RGS6: variants seen among roughly 807,000 people sequenced by gnomAD.
The protein encoded by RGS6 is regulator of G-protein signaling 6.
Under a neutral mutation model 78.5 loss-of-function variants are expected in RGS6, and 30 were observed. The ratio of observed to expected loss-of-function variants is 0.38; its 90% CI spans 0.29 to 0.52. The LOEUF is 0.52. RGS6 is among the 20% of genes least tolerant of loss of function. RGS6 has a pLI of 0.85. For missense variants in RGS6, 495 were observed against 609.7 expected (o/e 0.81, Z 1.98); for synonymous variants, 206 against 206.0 (o/e 1.00, Z 0.00).
chr14:72,003,619 C>T (rs12885938), intron 2 of RGS6, among the ~76,000 whole-genome samples: 95,081 of 151,932 alleles, frequency 0.63, 30,381 homozygotes, highest in South Asian at 0.7. Flanking sequence ...CAGTTCCATA[C>T]AGTAGGTGAC....
At chr14:72,224,145 A>G (rs944559248) in intron 2 of RGS6, among the ~76,000 whole-genome samples, 6 of 152,242 alleles carry the variant, frequency 3.9e-5, no homozygotes, top group Non-Finnish European at 7.3e-5. Flanking sequence ...GGGGCTTGGC[A>G]AAGTGTCTTA....
chr14:71,984,581 T>C (rs757919634), intron 2 of RGS6, among the ~76,000 whole-genome samples: 36 of 149,538 alleles, frequency 2.4e-4, no homozygotes, highest in East Asian at 5.8e-4. Context: ...AGGGTAGGAG[T>C]TGGCTGGTGG....
intron 2 of RGS6, among the ~76,000 whole-genome samples, chr14:72,040,297 T>C (rs1325550457): frequency 6.6e-6 from 1 of 152,166 alleles, no homozygotes; most frequent in Non-Finnish European, 1.5e-5. Context: ...CCATTAGCAT[T>C]TCCTGTAAGG....
the RGS6 span, among the ~76,000 whole-genome samples, chr14:72,620,170 C>T: frequency 6.6e-6 from 1 of 152,132 alleles, no homozygotes; most frequent in Non-Finnish European, 1.5e-5. Flanking sequence ...GAGTTTCCCC[C>T]TCTACCTCCC....
intron 17 of RGS6, among the ~76,000 whole-genome samples, chr14:72,543,728 G>T (rs190309924): frequency 3.9e-5 from 6 of 152,328 alleles, no homozygotes; most frequent in Admixed American, 3.9e-4. Flanking sequence ...GGTGGCCAGA[G>T]CTGAAATGCT....
the RGS6 span, among the ~76,000 whole-genome samples, chr14:71,906,931 A>C: frequency 1.3e-5 from 2 of 152,344 alleles, no homozygotes; most frequent in East Asian, 3.9e-4. Flanking sequence ...AAACAAGGAC[A>C]TTCACGGGGC....
At position 72,470,060 on chromosome 14, in the gene RGS6, T is replaced by C. The variant is rs146977767; in HGVS notation, c.513T>C (p.Phe171=). 47 of 1,613,390 alleles carry C rather than the reference T, an allele frequency of 2.9e-5. No homozygotes were observed. In the African/African-American group the frequency reaches 4.8e-4, roughly 16 times the overall value. Residue 171 remains phenylalanine, a synonymous_variant, in exon 8 of 18, where the codon TTT becomes TTC. Transcript: ENST00000553525. The part of the protein sequence containing the change: ...RAFARKWEFI[F]MQAEAQVKID... ...TTGCGAGGAAGTGGGAATTCATCTTTATGCAAGCAGAAGCACAAGTAAAGT... is the reference window on the plus strand; with the variant it reads ...TTGCGAGGAAGTGGGAATTCATCTTCATGCAAGCAGAAGCACAAGTAAAGT...
intron 2 of RGS6, among the ~76,000 whole-genome samples, chr14:72,242,330 C>T (rs1032692917): frequency 6.6e-6 from 1 of 152,050 alleles, no homozygotes; most frequent in African/African-American, 2.4e-5. Flanking sequence ...GAGGAAACTG[C>T]CTTTGAGGGG....
At chr14:72,516,156 G>T (rs1032117623) in intron 14 of RGS6, among the ~76,000 whole-genome samples, 2 of 152,202 alleles carry the variant, frequency 1.3e-5, no homozygotes, top group African/African-American at 2.4e-5. Flanking sequence ...ATAGAGCCAG[G>T]TTCCCCGCAT....
chr14:72,601,833 C>T, the RGS6 span, among the ~76,000 whole-genome samples: 9 of 152,348 alleles, frequency 5.9e-5, no homozygotes, highest in East Asian at 1.3e-3. Flanking sequence ...TCTTCCTCCC[C>T]GCCAACAACC....
intron 3 of RGS6, among the ~76,000 whole-genome samples, chr14:72,434,922 A>G (rs2153181843): frequency 6.6e-6 from 1 of 152,342 alleles, no homozygotes; most frequent in East Asian, 1.9e-4. Context: ...AAAAGAGAAC[A>G]TAGATTCTTA....
At chr14:72,177,022 C>T (rs536239726) in intron 2 of RGS6, among the ~76,000 whole-genome samples, 108 of 152,158 alleles carry the variant, frequency 7.1e-4, no homozygotes, top group Non-Finnish European at 2.6e-4. Flanking sequence ...TTCTTCTCCT[C>T]AATATAACGT....
At chr14:72,419,084 A>G (rs776893722) in intron 3 of RGS6, among the ~76,000 whole-genome samples, 19 of 152,246 alleles carry the variant, frequency 1.2e-4, no homozygotes, top group Non-Finnish European at 2.4e-4. Flanking sequence ...AAAACTAACT[A>G]GAGACATGAA....
chr14:72,315,588 A>G (rs559511738), intron 2 of RGS6, among the ~76,000 whole-genome samples: 1 of 152,304 alleles, frequency 6.6e-6, no homozygotes, highest in East Asian at 1.9e-4. Context: ...TGATACTCCT[A>G]AGTTAATTAG....
At chr14:72,056,397 C>A (rs908476919) in intron 2 of RGS6, among the ~76,000 whole-genome samples, 3 of 152,184 alleles carry the variant, frequency 2.0e-5, no homozygotes, top group African/African-American at 7.2e-5. Context: ...CTCTCCTCAT[C>A]AAAAAACAGC....
At chr14:72,602,449 G>A in the RGS6 span, among the ~76,000 whole-genome samples, 2 of 152,242 alleles carry the variant, frequency 1.3e-5, no homozygotes, top group Admixed American at 6.5e-5. Context: ...GGAAATTGAG[G>A]CTCATGGAGG....
chr14:72,192,049 C>G (rs1290934476), intron 2 of RGS6, among the ~76,000 whole-genome samples: 2 of 152,212 alleles, frequency 1.3e-5, no homozygotes, highest in Non-Finnish European at 2.9e-5. Context: ...TTATTAACAC[C>G]AAACTCCTCC....
chr14:72,274,028 GT>G (rs1369040277), intron 2 of RGS6, among the ~76,000 whole-genome samples: 1 of 152,150 alleles, frequency 6.6e-6, no homozygotes, highest in African/African-American at 2.4e-5. Flanking sequence ...CTAGGAAACA[GT>G]GCTAATTCCA....
At chr14:72,001,173 C>T (rs991256765) in intron 2 of RGS6, among the ~76,000 whole-genome samples, 6 of 152,242 alleles carry the variant, frequency 3.9e-5, no homozygotes, top group Middle Eastern at 3.4e-3. Context: ...CTCGCAGTCG[C>T]GGTGGCCCTG....
Sources: allele counts gnomAD v4.1 joint callset (sites outside exome capture counted in the v4.1 genomes callset), GRCh38; gene constraint gnomAD v4.1.1; transcripts MANE v1.5; gene names NCBI Gene and HGNC (gene_info 2026-07-23, HGNC 2026-07-21).